The following GRM8 variants were observed in gnomAD, a reference collection of about 807,000 sequenced individuals.
GRM8 encodes the protein metabotropic glutamate receptor 8.
In GRM8, 47 loss-of-function variants were observed where a neutral mutation model predicts 87.2. That is an observed-to-expected ratio of 0.54 (90% confidence interval 0.43 to 0.69). The LOEUF (loss-of-function observed/expected upper bound fraction) is 0.69. Among genes scored for constraint, GRM8 ranks in the 30% least tolerant of loss-of-function variants. The pLI is 0.00. For missense variants in GRM8, 1,019 were observed against 1,139.2 expected (o/e 0.89, Z 1.52); for synonymous variants, 396 against 404.5 (o/e 0.98, Z 0.25).
At chr7:126,728,891 T>A (rs1813294170) in intron 7 of GRM8, among the ~76,000 whole-genome samples, 1 of 152,142 alleles carries the variant, frequency 6.6e-6, no homozygotes, top group South Asian at 2.1e-4. Context: ...TGTCAGACAC[T>A]CTTCTAGCCA....
chr7:127,015,238 GA>G (rs1815509526), intron 3 of GRM8, among the ~76,000 whole-genome samples: 2 of 125,522 alleles, frequency 1.6e-5, no homozygotes, highest in African/African-American at 3.1e-5. Context: ...AGAAGAAGAA[GA>G]AGAAGAAGAA....
At chr7:126,529,557 C>A (rs1814468550) in intron 9 of GRM8, among the ~76,000 whole-genome samples, 1 of 152,094 alleles carries the variant, frequency 6.6e-6, no homozygotes, top group Non-Finnish European at 1.5e-5. Flanking sequence ...GAGGTTTTTT[C>A]TTTTCTTTTC....
intron 7 of GRM8, among the ~76,000 whole-genome samples, chr7:126,656,488 C>T (rs1056857261): frequency 6.6e-6 from 1 of 151,902 alleles, no homozygotes. Context: ...ACCAACCTGA[C>T]CAACATGGTT....
chr7:127,078,288 T>C (rs1822494829), intron 3 of GRM8, among the ~76,000 whole-genome samples: 1 of 152,208 alleles, frequency 6.6e-6, no homozygotes, highest in Non-Finnish European at 1.5e-5. Context: ...TGACACTTTT[T>C]ACACACCACC....
chr7:126,836,811 C>G (rs1299186887), intron 6 of GRM8, among the ~76,000 whole-genome samples: 1 of 152,092 alleles, frequency 6.6e-6, no homozygotes, highest in Non-Finnish European at 1.5e-5. Flanking sequence ...ATTACTCTTT[C>G]CCTCATTAGA....
At chr7:126,550,013 T>TAAC (rs1792400475) in intron 8 of GRM8, among the ~76,000 whole-genome samples, 1 of 148,620 alleles carries the variant, frequency 6.7e-6, no homozygotes, top group East Asian at 2.0e-4. Context: ...AACTTGCATG[T>TAAC]TGTTTTATGG....
intron 6 of GRM8, among the ~76,000 whole-genome samples, chr7:126,875,383 G>C (rs1316493109): frequency 6.6e-6 from 1 of 151,934 alleles, no homozygotes; most frequent in African/African-American, 2.4e-5. Context: ...TAATATCAAA[G>C]AGTTTGGGAT....
At chr7:126,679,485 C>T (rs1179552085) in intron 7 of GRM8, among the ~76,000 whole-genome samples, 1 of 152,114 alleles carries the variant, frequency 6.6e-6, no homozygotes, top group Non-Finnish European at 1.5e-5. Flanking sequence ...ACACTAATGC[C>T]TAGAGAGTGA....
chr7:127,039,133 TAGG>T (rs1818115211), intron 3 of GRM8, among the ~76,000 whole-genome samples: 1 of 152,194 alleles, frequency 6.6e-6, no homozygotes. Flanking sequence ...AGTAGTTTAG[TAGG>T]TGTTATGGGA....
intron 6 of GRM8, among the ~76,000 whole-genome samples, chr7:126,894,807 C>T (rs1226589084): frequency 2.6e-5 from 4 of 152,008 alleles, no homozygotes; most frequent in Non-Finnish European, 5.9e-5. Context: ...GACTTCAGTC[C>T]TATCATCGTT....
chr7:126,956,166 T>C (rs1808664637), intron 3 of GRM8, among the ~76,000 whole-genome samples: 1 of 152,182 alleles, frequency 6.6e-6, no homozygotes. Flanking sequence ...TTTTAATCTA[T>C]GTTTATCACT....
chr7:126,561,805 T>G (rs1432966531), intron 8 of GRM8, among the ~76,000 whole-genome samples: 2 of 120,258 alleles, frequency 1.7e-5, no homozygotes, highest in African/African-American at 6.4e-5. Context: ...GTCCCCAGTG[T>G]GTGATGTTCC....
At chr7:127,034,146 C>T (rs1430371313) in intron 3 of GRM8, among the ~76,000 whole-genome samples, 1 of 152,172 alleles carries the variant, frequency 6.6e-6, no homozygotes, top group African/African-American at 2.4e-5. Context: ...CATATAAATA[C>T]ATTTTCTTTT....
intron 7 of GRM8, among the ~76,000 whole-genome samples, chr7:126,669,501 T>G (rs926175192): frequency 9.2e-5 from 14 of 152,220 alleles, no homozygotes; most frequent in Non-Finnish European, 1.8e-4. Context: ...CCCTAAGGAC[T>G]ATTAGTAAAA....
At chr7:127,000,356 C>A (rs924551582) in intron 3 of GRM8, among the ~76,000 whole-genome samples, 3 of 151,408 alleles carry the variant, frequency 2.0e-5, no homozygotes, top group African/African-American at 4.8e-5. Flanking sequence ...TGACTATAGT[C>A]AATAATAACT....
intron 9 of GRM8, among the ~76,000 whole-genome samples, chr7:126,469,069 C>G (rs937328257): frequency 6.6e-5 from 10 of 152,150 alleles, no homozygotes; most frequent in South Asian, 6.2e-4. Context: ...GTATATAAGA[C>G]CAACACCCAC....
At chr7:126,801,740 C>T (rs1374434225) in intron 6 of GRM8, among the ~76,000 whole-genome samples, 3 of 152,020 alleles carry the variant, frequency 2.0e-5, no homozygotes, top group Non-Finnish European at 2.9e-5. Flanking sequence ...GGTCCCCTCT[C>T]ATAGTAAGAA....
intron 7 of GRM8, among the ~76,000 whole-genome samples, chr7:126,736,766 T>A (rs1814275860): frequency 6.6e-6 from 1 of 152,088 alleles, no homozygotes; most frequent in African/African-American, 2.4e-5. Flanking sequence ...GGAAAATCTT[T>A]AAGTCAATGT....
At chr7:126,736,178 C>T (rs565925228) in intron 7 of GRM8, among the ~76,000 whole-genome samples, 24 of 152,098 alleles carry the variant, frequency 1.6e-4, no homozygotes, top group African/African-American at 5.3e-4. Flanking sequence ...GGAAATCCTC[C>T]GACAGAATGT....
Sources: allele counts gnomAD v4.1 joint callset (sites outside exome capture counted in the v4.1 genomes callset), GRCh38; gene constraint gnomAD v4.1.1; transcripts MANE v1.5; gene names NCBI Gene and HGNC (gene_info 2026-07-23, HGNC 2026-07-21).